ACOXL: variants seen among roughly 807,000 people sequenced by gnomAD.
ACOXL encodes the protein acyl-CoA oxidase like.
In ACOXL, 70 loss-of-function variants were observed where a neutral mutation model predicts 71.9. The observed-to-expected ratio is 0.97, with a 90% CI of 0.80 to 1.19. The LOEUF is 1.19. Among genes scored for constraint, ACOXL ranks in the 50% most tolerant of loss-of-function variants. The pLI, the probability that ACOXL is intolerant of heterozygous loss-of-function variation, is 0.00. For synonymous variants in ACOXL, 253 were observed against 281.6 expected, an observed-to-expected ratio of 0.90 and a Z score of 1.02; for missense variants, 703 against 736.3, an observed-to-expected ratio of 0.95 and a Z score of 0.52.
intron 10 of ACOXL, among the ~76,000 whole-genome samples, chr2:110,894,302 G>T (rs936236513): frequency 6.9e-6 from 1 of 145,006 alleles, no homozygotes; most frequent in African/African-American, 2.6e-5. Flanking sequence ...TGGTGAAGCT[G>T]ACCACCCAGA....
At chr2:110,818,629 A>T (rs1349257448) in intron 9 of ACOXL, among the ~76,000 whole-genome samples, 1 of 152,030 alleles carries the variant, frequency 6.6e-6, no homozygotes, top group Non-Finnish European at 1.5e-5. Flanking sequence ...TTTTAAAAAG[A>T]CGGGGGATGG....
At chr2:110,942,437 G>T (rs969123324) in intron 12 of ACOXL, among the ~76,000 whole-genome samples, 1 of 152,152 alleles carries the variant, frequency 6.6e-6, no homozygotes, top group Admixed American at 6.6e-5. Context: ...AGACAAAGTC[G>T]ATTTCAGAGC....
chr2:110,982,733 G>A (rs954059284), intron 12 of ACOXL, among the ~76,000 whole-genome samples: 2 of 152,194 alleles, frequency 1.3e-5, no homozygotes, highest in Admixed American at 1.3e-4. Flanking sequence ...TTTAGTATAA[G>A]TATGACCCAT....
intron 14 of ACOXL, among the ~76,000 whole-genome samples, chr2:111,002,274 G>T (rs1368700757): frequency 6.6e-6 from 1 of 152,008 alleles, no homozygotes. Flanking sequence ...TTTATTTTAA[G>T]ATGCTAAATT....
Position 110,933,509 on chromosome 2 carries a change from A to T in ACOXL, c.926A>T (p.Asp309Val), listed in dbSNP as rs2060554749. 1.9e-6 allele frequency: 3 copies of T among 1,614,120 alleles called. No individual in the cohort carries two copies. The highest frequency in any genetic ancestry group is 2.5e-6 in the Non-Finnish European group (3 of 1,179,968). Residue 309 changes from aspartate to valine, a missense_variant, in exon 12 of 18, where the codon GAT becomes GTT. Physicochemically the swap from Asp to Val is radical, Grantham distance 152 (BLOSUM62 -3). Transcript: ENST00000439055. ...FVSRYAGALL[D>V]EDVFQGKELV... ...TGCAGGTATGCTGGGGCCCTCCTGGATGAGGATGTCTTCCAGGGAAAGGAG... is the reference window on the plus strand; with the variant it reads ...TGCAGGTATGCTGGGGCCCTCCTGGTTGAGGATGTCTTCCAGGGAAAGGAG...
At chr2:111,001,616 A>G (rs924808848) in intron 14 of ACOXL, among the ~76,000 whole-genome samples, 2 of 152,184 alleles carry the variant, frequency 1.3e-5, no homozygotes, top group African/African-American at 2.4e-5. Flanking sequence ...TGATTCCTGC[A>G]TTATTCCCAT....
At chr2:110,964,058 AT>A (rs2061824039) in intron 12 of ACOXL, among the ~76,000 whole-genome samples, 1 of 152,186 alleles carries the variant, frequency 6.6e-6, no homozygotes, top group Non-Finnish European at 1.5e-5. Context: ...CCTCCTAATG[AT>A]CAAGGAAATG....
chr2:110,995,143 T>C (rs1312009383), intron 13 of ACOXL, among the ~76,000 whole-genome samples: 1 of 151,990 alleles, frequency 6.6e-6, no homozygotes, highest in Non-Finnish European at 1.5e-5. Flanking sequence ...CAGTGGTTAT[T>C]ATAAACTCAC....
chr2:110,882,169 T>C (rs116558838), intron 10 of ACOXL, among the ~76,000 whole-genome samples: 4,131 of 152,290 alleles, frequency 0.027, 105 homozygotes, highest in African/African-American at 0.067. Flanking sequence ...ATTCCAATAG[T>C]GTGTAGTGGT....
At position 110,760,563 on chromosome 2, in the gene ACOXL, A is replaced by G. The variant is rs554107975; in HGVS notation, c.-22-7805A>G. 5.3e-5 allele frequency among the ~76,000 whole-genome samples: 8 copies of G among 152,286 alleles called. No individual in the cohort carries two copies. The South Asian group carries it at 1.7e-3, about 32-fold the overall frequency. On this transcript the variant is annotated intron_variant, in intron 1 of 17. Transcript: ENST00000439055. ...TGGTCTTAACTGAACTCATTCATGT[A>G]TTTCAGTTAGCCATGAATTGGACAG...
chr2:110,961,941 C>T (rs1262896535), intron 12 of ACOXL, among the ~76,000 whole-genome samples: 1 of 152,194 alleles, frequency 6.6e-6, no homozygotes, highest in Non-Finnish European at 1.5e-5. Flanking sequence ...ACCACTGGGT[C>T]CCTCCCATGA....
Position 110,862,456 on chromosome 2 carries a change from CT to C in ACOXL, c.788+21052del, listed in dbSNP as rs1694066717. Among the ~76,000 whole-genome samples the C allele has an allele frequency of 4.6e-5, 7 of 152,222 alleles. No homozygotes were observed. The South Asian group carries it at 1.5e-3, about 32-fold the overall frequency. On this transcript the variant is annotated intron_variant, in intron 10 of 17. Transcript: ENST00000439055. ...AGACCAGCCTGGGCAACTTAGCAAG[CT>C]CTTGTCTCTAAAACAATAATAAAAA...
At chr2:110,816,990 T>C (rs1385909132) in intron 9 of ACOXL, among the ~76,000 whole-genome samples, 1 of 152,198 alleles carries the variant, frequency 6.6e-6, no homozygotes, top group Non-Finnish European at 1.5e-5. Context: ...TCTTAGTGCC[T>C]GGCTTATTCC....
intron 14 of ACOXL, among the ~76,000 whole-genome samples, chr2:111,025,125 C>T (rs997669952): frequency 1.3e-5 from 2 of 152,006 alleles, no homozygotes; most frequent in African/African-American, 4.8e-5. Flanking sequence ...TGTAAATTTG[C>T]CTTTTCTATA....
intron 10 of ACOXL, among the ~76,000 whole-genome samples, chr2:110,851,699 C>T (rs1692619407): frequency 6.6e-6 from 1 of 152,190 alleles, no homozygotes; most frequent in African/African-American, 2.4e-5. Flanking sequence ...GTCTGTGGTC[C>T]TGAGAGCCCT....
intron 9 of ACOXL, among the ~76,000 whole-genome samples, chr2:110,819,410 G>GTCA (rs1688344092): frequency 6.6e-6 from 1 of 152,298 alleles, no homozygotes; most frequent in East Asian, 1.9e-4. Flanking sequence ...TTGCTGAGGT[G>GTCA]TCAGGCAGGG....
chr2:110,880,788 A>G (rs1355714474), intron 10 of ACOXL, among the ~76,000 whole-genome samples: 1 of 152,198 alleles, frequency 6.6e-6, no homozygotes, highest in Non-Finnish European at 1.5e-5. Context: ...ACTCCAACCT[A>G]GGCAACAGAG....
intron 17 of ACOXL, chr2:111,100,376 C>T (rs1000468062): frequency 1.3e-5 from 2 of 152,600 alleles, no homozygotes; most frequent in Non-Finnish European, 2.9e-5. Context: ...GGGAGGAAGG[C>T]CACTCCACCT....
chr2:111,032,775 CCCAGCCTGA>C (rs2065336561), intron 15 of ACOXL, among the ~76,000 whole-genome samples: 1 of 152,124 alleles, frequency 6.6e-6, no homozygotes, highest in Admixed American at 6.5e-5. Context: ...AACACAACCT[CCCAGCCTGA>C]CCATCCCCCT....
Sources: gnomAD v4.1 joint callset for allele counts (sites outside exome capture counted in the v4.1 genomes callset) on GRCh38, gnomAD v4.1.1 for gene constraint, MANE v1.5 for transcripts, NCBI Gene and HGNC (gene_info 2026-07-23, HGNC 2026-07-21) for gene names.